The following TBL1X variants were observed in gnomAD, a reference collection of about 807,000 sequenced individuals.
TBL1X encodes the protein transducin beta like 1 X-linked.
TBL1X carries 10 observed loss-of-function variants against 50.7 expected under a neutral mutation model. The observed-to-expected ratio is 0.20, with a 90% CI of 0.12 to 0.33. TBL1X has a LOEUF of 0.33. TBL1X is among the 10% of genes least tolerant of loss of function. The pLI, the probability that TBL1X is intolerant of heterozygous loss-of-function variation, is 1.00. For synonymous variants in TBL1X, 190 were observed against 214.7 expected, an observed-to-expected ratio of 0.88 and a Z score of 1.01; for missense variants, 340 against 504.4, an observed-to-expected ratio of 0.67 and a Z score of 3.12.
intron 11 of TBL1X, among the ~76,000 whole-genome samples, chrX:9,695,006 A>G (rs1456703108): frequency 8.9e-6 from 1 of 112,221 alleles, no homozygotes; most frequent in African/African-American, 3.2e-5. Context: ...AAAATGATAG[A>G]CTTGACCTCT....
At chrX:9,575,953 G>T (rs1035803466) in intron 2 of TBL1X, among the ~76,000 whole-genome samples, 1 of 111,592 alleles carries the variant, frequency 9.0e-6, no homozygotes, top group African/African-American at 3.3e-5. Context: ...ATGGAGGAGG[G>T]GAGAGAATCT....
At chrX:9,623,141 C>T (rs1477172089) in intron 2 of TBL1X, among the ~76,000 whole-genome samples, 1 of 111,692 alleles carries the variant, frequency 9.0e-6, no homozygotes, top group East Asian at 2.8e-4. Context: ...AAAGGTTAAC[C>T]CACTGTATCC....
intron 1 of TBL1X, among the ~76,000 whole-genome samples, chrX:9,488,825 C>T (rs1445684677): frequency 9.0e-6 from 1 of 111,209 alleles, no homozygotes; most frequent in Non-Finnish European, 1.9e-5. Flanking sequence ...GTTTGTATTG[C>T]TCACTCACTG....
intron 2 of TBL1X, among the ~76,000 whole-genome samples, chrX:9,573,234 G>A (rs1277178307): frequency 8.9e-6 from 1 of 111,962 alleles, no homozygotes; most frequent in Non-Finnish European, 1.9e-5. Flanking sequence ...ACATTATTGG[G>A]TGCTTTCATG....
intron 2 of TBL1X, among the ~76,000 whole-genome samples, chrX:9,513,128 C>T (rs2082064909): frequency 9.0e-6 from 1 of 111,215 alleles, no homozygotes; most frequent in South Asian, 3.9e-4. Context: ...ACAAACAAAG[C>T]ATGCTACACG....
intron 2 of TBL1X, among the ~76,000 whole-genome samples, chrX:9,562,759 GAAA>G (rs34526953): frequency 1.2e-4 from 12 of 102,671 alleles, no homozygotes; most frequent in African/African-American, 4.2e-4. Flanking sequence ...CTTCAAAGCA[GAAA>G]AAAAAAAAAT....
intron 1 of TBL1X, among the ~76,000 whole-genome samples, chrX:9,467,129 C>G (rs761349767): frequency 1.7e-4 from 19 of 112,443 alleles, no homozygotes; most frequent in African/African-American, 5.8e-4. Context: ...TGGAGTTTTC[C>G]CATCAATTAT....
chrX:9,610,651 C>G (rs1435891351), intron 2 of TBL1X, among the ~76,000 whole-genome samples: 8 of 112,062 alleles, frequency 7.1e-5, no homozygotes, highest in Non-Finnish European at 1.5e-4. Context: ...TTTAGGGCAT[C>G]CCAGGTAGAA....
At chrX:9,548,887 A>G (rs1273798700) in intron 2 of TBL1X, among the ~76,000 whole-genome samples, 1 of 113,153 alleles carries the variant, frequency 8.8e-6, no homozygotes, top group African/African-American at 3.2e-5. Context: ...GTTGTGTGCA[A>G]CACAGGAATT....
chrX:9,644,851 T>A (rs1208985002), intron 3 of TBL1X: 1 of 110,869 alleles, frequency 9.0e-6, no homozygotes, highest in Non-Finnish European at 1.9e-5. Flanking sequence ...AGACATGGGG[T>A]TTTGCTATGT....
rs1471232859 is a variant in TBL1X, at chrX:9,709,238, T to C, written c.1237-10T>C. On this transcript the variant is annotated splice_polypyrimidine_tract_variant and intron_variant, in intron 13 of 17. Transcript: ENST00000645353. ...TGATGTCTTTTTCACACTCTTCTGC[T>C]CTCTTTCAGAACGAGGTCAACGCCA... The C allele has an allele frequency of 1.7e-6, 2 of 1,209,483 alleles. No individual in the cohort carries two copies. Among genetic ancestry groups the C allele is most frequent in the African/African-American group, 1.7e-5 (1 of 57,591 alleles).
chrX:9,643,054 G>A (rs1286031369), intron 3 of TBL1X, among the ~76,000 whole-genome samples: 2 of 112,299 alleles, frequency 1.8e-5, no homozygotes, highest in African/African-American at 3.2e-5. Flanking sequence ...ATATTTGGGG[G>A]TCAGGACTTT....
intron 9 of TBL1X, 37 bp from the exon 10 acceptor site, chrX:9,693,112 T>C (rs375516683): frequency 8.3e-6 from 10 of 1,202,375 alleles, no homozygotes; most frequent in Non-Finnish European, 9.0e-6. Flanking sequence ...CGCTCCTAAG[T>C]TGTTTTTGTG....
At chrX:9,550,524 T>C (rs2082265747) in intron 2 of TBL1X, among the ~76,000 whole-genome samples, 1 of 112,180 alleles carries the variant, frequency 8.9e-6, no homozygotes, top group Non-Finnish European at 1.9e-5. Context: ...TTTATTAGAC[T>C]CTTCAAAATC....
At chrX:9,606,974 G>A (rs1199876654) in intron 2 of TBL1X, among the ~76,000 whole-genome samples, 1 of 112,478 alleles carries the variant, frequency 8.9e-6, no homozygotes, top group Non-Finnish European at 1.9e-5. Flanking sequence ...TCTGTGCAAA[G>A]TTAGCTTCAA....
intron 11 of TBL1X, 114 bp from the exon 12 acceptor site, chrX:9,697,255 T>C (rs73188239): frequency 0.02 from 19,158 of 978,644 alleles, 177 homozygotes; most frequent in Middle Eastern, 0.036. Flanking sequence ...TCTATCTCTA[T>C]TGGACAGTGC....
intron 1 of TBL1X, among the ~76,000 whole-genome samples, chrX:9,478,707 G>A (rs1033801513): frequency 3.6e-5 from 4 of 112,134 alleles, no homozygotes; most frequent in Non-Finnish European, 7.5e-5. Context: ...AGTTACTCCC[G>A]CAGATAACAT....
intron 2 of TBL1X, among the ~76,000 whole-genome samples, chrX:9,553,847 T>A (rs1219193089): frequency 1.8e-5 from 2 of 111,777 alleles, no homozygotes; most frequent in Non-Finnish European, 3.8e-5. Flanking sequence ...TTAGCTAAAA[T>A]TATAGAGGGT....
At chrX:9,491,338 A>ATATATATATATATATTTTTT (rs1328551249) in intron 1 of TBL1X, among the ~76,000 whole-genome samples, 1 of 31,314 alleles carries the variant, frequency 3.2e-5, no homozygotes, top group African/African-American at 1.2e-4. Context: ...ATATATATAT[A>ATATATATATATATATTTTTT]TTTTTTTTTT....
Sources: allele counts gnomAD v4.1 joint callset (sites outside exome capture counted in the v4.1 genomes callset), GRCh38; gene constraint gnomAD v4.1.1; transcripts MANE v1.5; gene names NCBI Gene and HGNC (gene_info 2026-07-23, HGNC 2026-07-21).